C8orf76: variants seen among roughly 807,000 people sequenced by gnomAD.
C8orf76 encodes uncharacterized protein C8orf76.
Under a neutral mutation model 38.1 loss-of-function variants are expected in C8orf76, and 46 were observed. The ratio of observed to expected loss-of-function variants is 1.21; its 90% CI spans 0.95 to 1.54. The LOEUF (loss-of-function observed/expected upper bound fraction) is 1.54, where lower values mean the gene tolerates loss of function less well. Among genes scored for constraint, C8orf76 ranks in the 40% most tolerant of loss-of-function variants. The pLI, the probability that C8orf76 is intolerant of heterozygous loss-of-function variation, is 0.00. For synonymous variants in C8orf76, 166 were observed against 167.5 expected (o/e 0.99, Z 0.07); for missense variants, 461 against 441.6 (o/e 1.04, Z -0.39).
chr8:123,229,555 G>C (rs1359519578), intron 4 of C8orf76, among the ~76,000 whole-genome samples: 1 of 152,166 alleles, frequency 6.6e-6, no homozygotes, highest in African/African-American at 2.4e-5. Context: ...GCAGTTACAG[G>C]CTAGACATAC....
chr8:123,238,032 G>A, intron 2 of C8orf76, 91 bp from the exon 3 acceptor site: 10 of 1,427,152 alleles, frequency 7.0e-6, no homozygotes, highest in Non-Finnish European at 7.5e-6. Flanking sequence ...TTCCTAGGTG[G>A]AAAGTAATGT....
At chr8:123,238,930 CA>C (rs1825589586) in intron 2 of C8orf76, 118 bp downstream of exon 2, 1 of 1,001,508 alleles carries the variant, frequency 1.0e-6, no homozygotes. Flanking sequence ...TATAAACACA[CA>C]TCACAAAAGA....
At chr8:123,229,023 A>G (rs1187141956) in intron 4 of C8orf76, among the ~76,000 whole-genome samples, 1 of 152,222 alleles carries the variant, frequency 6.6e-6, no homozygotes, top group African/African-American at 2.4e-5. Flanking sequence ...TTCTGACGCC[A>G]AAGTCCTACT....
intron 5 of C8orf76, among the ~76,000 whole-genome samples, chr8:123,223,178 T>C (rs561905698): frequency 3.3e-5 from 5 of 152,264 alleles, no homozygotes; most frequent in Non-Finnish European, 7.3e-5. Flanking sequence ...TATAGGGTCA[T>C]GCCCATGTCA....
At chr8:123,233,426 A>T (rs1392848030) in intron 3 of C8orf76, among the ~76,000 whole-genome samples, 2 of 147,936 alleles carry the variant, frequency 1.4e-5, no homozygotes, top group Non-Finnish European at 3.0e-5. Flanking sequence ...ATGGAGTCTC[A>T]TTCTTTTGCC....
At chr8:123,233,979 G>C (rs1426756959) in intron 3 of C8orf76, among the ~76,000 whole-genome samples, 1 of 149,552 alleles carries the variant, frequency 6.7e-6, no homozygotes, top group Non-Finnish European at 1.5e-5. Flanking sequence ...AGTGAGCCAA[G>C]ATCATGCCAC....
At chr8:123,239,005 G>C in intron 2 of C8orf76, 44 bp downstream of exon 2, 3 of 1,588,708 alleles carry the variant, frequency 1.9e-6, no homozygotes, top group Non-Finnish European at 2.6e-6. Context: ...TGCCATAACT[G>C]ATAAAACAAG....
chr8:123,238,753 G>A (rs926014023), intron 2 of C8orf76: 5 of 229,084 alleles, frequency 2.2e-5, no homozygotes, highest in Non-Finnish European at 4.3e-5. Flanking sequence ...CTGTGGCACT[G>A]TGAAATGTCT....
rs776649170 is a variant in C8orf76, at chr8:123,226,657, C to T, written c.816-25G>A. The T allele has an allele frequency of 3.0e-5, 48 of 1,574,636 alleles. No individual in the cohort carries two copies. The African/African-American group carries it at 5.1e-4, about 17-fold the overall frequency. On this transcript the variant is annotated intron_variant, in intron 4 of 5. Transcript: ENST00000276704. Reference sequence around the variant, plus strand: ...CCTGAAAAACCGAAAAGTCTCAATGCGTGGCGAAAAGTCCCAACGCTTCCA... The same window carrying T: ...CCTGAAAAACCGAAAAGTCTCAATGTGTGGCGAAAAGTCCCAACGCTTCCA...
chr8:123,235,341 T>C (rs773187799), intron 3 of C8orf76, among the ~76,000 whole-genome samples: 19 of 152,284 alleles, frequency 1.2e-4, no homozygotes, highest in Non-Finnish European at 2.5e-4. Flanking sequence ...GTCTATTTTG[T>C]TCAATGTTAC....
intron 3 of C8orf76, chr8:123,236,922 T>C: frequency 7.2e-7 from 1 of 1,380,018 alleles, no homozygotes; most frequent in Non-Finnish European, 1.0e-6. Flanking sequence ...AACGCCAAAA[T>C]TCAGGACAAG....
At chr8:123,236,491 T>C in intron 3 of C8orf76, among the ~76,000 whole-genome samples, 1 of 152,206 alleles carries the variant, frequency 6.6e-6, no homozygotes, top group East Asian at 1.9e-4. Context: ...TAAAATTTTT[T>C]TTTAAAGAAA....
chr8:123,222,610 C>T (rs1000463750), intron 5 of C8orf76, among the ~76,000 whole-genome samples: 4 of 151,962 alleles, frequency 2.6e-5, no homozygotes, highest in African/African-American at 7.3e-5. Context: ...ATAGGGAGAA[C>T]TCTTAAAATT....
chr8:123,227,547 G>T (rs771706277), intron 4 of C8orf76, among the ~76,000 whole-genome samples: 1 of 152,148 alleles, frequency 6.6e-6, no homozygotes. Flanking sequence ...AGGCAGGAAG[G>T]CTTCCTTGAG....
chr8:123,239,995 AAAAAG>A (rs1191575408), intron 1 of C8orf76: 2 of 152,092 alleles, frequency 1.3e-5, no homozygotes, highest in Non-Finnish European at 2.9e-5. Flanking sequence ...CAAAAAAAAA[AAAAAG>A]AAAAGAAAAA....
In C8orf76 at chr8:123,226,493, C is replaced by T; in HGVS notation, c.948+7G>A. 6.2e-7 allele frequency: 1 copy of T among 1,610,164 alleles called. No individual in the cohort carries two copies. Among genetic ancestry groups the T allele is most frequent in the Non-Finnish European group, 8.5e-7 (1 of 1,179,152 alleles). ...TCGTTTCACATAAACCCGAGGGATA[C>T]ACTCACCTCAGCTATCAACAGCAAA... On this transcript the variant is annotated splice_region_variant and intron_variant, in intron 5 of 5. Coordinates refer to ENST00000276704, the MANE Select transcript of C8orf76 (RefSeq NM_032847.3).
At position 123,237,884 on chromosome 8, in the gene C8orf76, T is replaced by C. The variant is rs1405213918; in HGVS notation, c.271A>G (p.Met91Val). Residue 91 changes from methionine to valine, a missense_variant, in exon 3 of 6, where the codon ATG becomes GTG. Coordinates refer to ENST00000276704, the MANE Select transcript of C8orf76 (RefSeq NM_032847.3). ...TGACCTTCCTGGACATCCCTTTTCA[T>C]GGCAAAATTGGTTGATGACAATTTT... ...SEKLSSTNFAMKRDVQEGQAR... is the reference protein window; with the variant it reads ...SEKLSSTNFAVKRDVQEGQAR... 4 of 1,614,058 alleles carry C rather than the reference T, an allele frequency of 2.5e-6. No homozygotes were observed. The African/African-American group carries it at 4.0e-5, about 16-fold the overall frequency.
At chr8:123,228,560 G>A (rs893081534) in intron 4 of C8orf76, among the ~76,000 whole-genome samples, 10 of 151,812 alleles carry the variant, frequency 6.6e-5, no homozygotes, top group Admixed American at 6.6e-5. Context: ...CAGAGGTTGC[G>A]GTGAGCCGAG....
chr8:123,240,875 G>T (rs1025169412), intron 1 of C8orf76, among the ~76,000 whole-genome samples: 1 of 152,224 alleles, frequency 6.6e-6, no homozygotes, highest in African/African-American at 2.4e-5. Flanking sequence ...GGGTTTGCCG[G>T]AGGTCACCGT....
Sources: gnomAD v4.1 joint callset for allele counts (sites outside exome capture counted in the v4.1 genomes callset) on GRCh38, gnomAD v4.1.1 for gene constraint, MANE v1.5 for transcripts, NCBI Gene and HGNC (gene_info 2026-07-23, HGNC 2026-07-21) for gene names.